Variants in TMEM108 observed in about 807,000 individuals in gnomAD.
TMEM108 encodes the protein cancer/testis antigen 124.
A neutral mutation model predicts 35.1 loss-of-function variants in TMEM108; 12 were observed. The observed-to-expected ratio is 0.34, with a 90% CI of 0.22 to 0.55. The LOEUF is 0.55. TMEM108 is among the 20% of genes least tolerant of loss of function. The pLI is 0.89. For missense variants in TMEM108, 680 were observed against 753.3 expected, an observed-to-expected ratio of 0.90 and a Z score of 1.14; for synonymous variants, 287 against 308.6, an observed-to-expected ratio of 0.93 and a Z score of 0.73.
At chr3:133,251,058 A>T (rs953243782) in intron 3 of TMEM108, among the ~76,000 whole-genome samples, 1 of 152,180 alleles carries the variant, frequency 6.6e-6, no homozygotes, top group African/African-American at 2.4e-5. Context: ...TTTGCTGGGT[A>T]GTCTGGGCTG....
At chr3:133,324,336 A>G (rs2071303666) in intron 3 of TMEM108, among the ~76,000 whole-genome samples, 1 of 152,214 alleles carries the variant, frequency 6.6e-6, no homozygotes, top group African/African-American at 2.4e-5. Flanking sequence ...GAAAAAAACA[A>G]TCCCATCAAA....
chr3:133,284,574 C>T (rs1559892189), intron 3 of TMEM108, among the ~76,000 whole-genome samples: 2 of 152,226 alleles, frequency 1.3e-5, no homozygotes, highest in Non-Finnish European at 2.9e-5. Flanking sequence ...TGAAAGGTCA[C>T]AGCCAGCACA....
intron 2 of TMEM108, among the ~76,000 whole-genome samples, chr3:133,183,684 A>G (rs1371796307): frequency 6.6e-6 from 1 of 152,196 alleles, no homozygotes; most frequent in Non-Finnish European, 1.5e-5. Context: ...CACAGGCACA[A>G]GATTCTACCC....
chr3:133,294,977 C>T lies in TMEM108; in HGVS notation c.40+65626C>T, dbSNP rs368437540. On this transcript the variant is annotated intron_variant, in intron 3 of 5. Coordinates refer to ENST00000321871, the MANE Select transcript of TMEM108 (RefSeq NM_023943.4). ...GGGAGTGTTACAGTGGAGAAAAGTA[C>T]TTGGGGTTTATCTATCAAGTAAACG... 9.2e-5 allele frequency among the ~76,000 whole-genome samples: 14 copies of T among 152,246 alleles called. No individual in the cohort carries two copies. The East Asian group carries it at 1.2e-3, about 13-fold the overall frequency.
chr3:133,235,387 A>T (rs758841763), intron 3 of TMEM108, among the ~76,000 whole-genome samples: 1 of 152,218 alleles, frequency 6.6e-6, no homozygotes. Flanking sequence ...ACAGCATGGT[A>T]CTAGTACCAA....
At chr3:133,082,828 T>G (rs559233693) in intron 2 of TMEM108, among the ~76,000 whole-genome samples, 3 of 152,124 alleles carry the variant, frequency 2.0e-5, no homozygotes, top group South Asian at 2.1e-4. Flanking sequence ...ATTTTTAAAA[T>G]TGTTTTATAG....
At chr3:133,317,264 C>T (rs1000572029) in intron 3 of TMEM108, among the ~76,000 whole-genome samples, 1 of 152,060 alleles carries the variant, frequency 6.6e-6, no homozygotes, top group Non-Finnish European at 1.5e-5. Flanking sequence ...ACTATGATGG[C>T]CTTTAAAAAA....
chr3:133,155,561 G>A (rs1338922509), intron 2 of TMEM108, among the ~76,000 whole-genome samples: 3 of 152,066 alleles, frequency 2.0e-5, no homozygotes, highest in Admixed American at 2.0e-4. Context: ...ACTGATATGA[G>A]ATGGTATCTC....
In TMEM108 at chr3:133,078,140, A is replaced by AGTGTGTGTGTGTGTGTGTGTGTGT. The variant is rs745912251; in HGVS notation, c.-47+32139_-47+32140insTGTGTGTGTGTGTGTGTGTGTGTG. ...AAAAATGGTGGAGTTTATGGAGCTC[A>AGTGTGTGTGTGTGTGTGTGTGTGT]GTGTGTGTGTGTGTGTGTGCACGCG... On this transcript the variant is annotated intron_variant, in intron 2 of 5. Coordinates refer to ENST00000321871, the MANE Select transcript of TMEM108 (RefSeq NM_023943.4). Among the ~76,000 whole-genome samples the AGTGTGTGTGTGTGTGTGTGTGTGT allele has an allele frequency of 6.2e-3, 657 of 106,190 alleles. 7 individuals carry two copies. The highest frequency in any genetic ancestry group is 0.016 in the African/African-American group (355 of 22,192). The allele number at this position is 106,190 out of a possible 152,430, so 69.7% of individuals were successfully genotyped here. A position where few individuals can be genotyped will look rare whatever the true frequency, so the allele number is the denominator to read the frequency against.
At chr3:133,271,976 A>G (rs141040753) in intron 3 of TMEM108, among the ~76,000 whole-genome samples, 17 of 152,296 alleles carry the variant, frequency 1.1e-4, no homozygotes, top group Admixed American at 4.6e-4. Context: ...AGCTATTGAC[A>G]AAATTAATGA....
intron 3 of TMEM108, among the ~76,000 whole-genome samples, chr3:133,320,127 A>C (rs2071248217): frequency 6.6e-6 from 1 of 152,132 alleles, no homozygotes; most frequent in Admixed American, 6.5e-5. Flanking sequence ...GTTCTATAAC[A>C]CTCCAAAAAG....
chr3:133,167,560 C>A (rs543330433), intron 2 of TMEM108, among the ~76,000 whole-genome samples: 1 of 152,220 alleles, frequency 6.6e-6, no homozygotes, highest in Non-Finnish European at 1.5e-5. Context: ...TGAAGCCCAG[C>A]GAGAATTCGA....
chr3:133,236,661 G>A (rs868407880), intron 3 of TMEM108, among the ~76,000 whole-genome samples: 9 of 152,212 alleles, frequency 5.9e-5, no homozygotes, highest in South Asian at 2.1e-4. Flanking sequence ...ACTCTCTTTG[G>A]TGCCTTTTCA....
chr3:133,246,385 T>G (rs1946385887), intron 3 of TMEM108: 2 of 151,834 alleles, frequency 1.3e-5, no homozygotes, highest in Non-Finnish European at 2.9e-5. Context: ...GTGCCTTGAG[T>G]CCAGCAGTTT....
intron 3 of TMEM108, among the ~76,000 whole-genome samples, chr3:133,281,294 G>A (rs1370398282): frequency 1.1e-4 from 17 of 152,202 alleles, no homozygotes; most frequent in Admixed American, 1.1e-3. Flanking sequence ...TGGTCATTCT[G>A]TTGGAGTTTC....
At chr3:133,283,852 G>A (rs1168301910) in intron 3 of TMEM108, among the ~76,000 whole-genome samples, 3 of 152,220 alleles carry the variant, frequency 2.0e-5, no homozygotes, top group East Asian at 1.9e-4. Flanking sequence ...CACGTATTTA[G>A]TGTCTCTCAG....
intron 2 of TMEM108, among the ~76,000 whole-genome samples, chr3:133,108,946 C>T: frequency 6.6e-6 from 1 of 151,952 alleles, no homozygotes; most frequent in East Asian, 1.9e-4. Context: ...TGTAACAAAC[C>T]TGCACATTGT....
chr3:133,238,231 C>A (rs1289789919), intron 3 of TMEM108, among the ~76,000 whole-genome samples: 1 of 152,114 alleles, frequency 6.6e-6, no homozygotes, highest in Non-Finnish European at 1.5e-5. Context: ...TATACATGTG[C>A]TTGTTTTCTT....
chr3:133,045,576 G>A (rs768602019), intron 1 of TMEM108, among the ~76,000 whole-genome samples: 2 of 152,190 alleles, frequency 1.3e-5, no homozygotes, highest in African/African-American at 2.4e-5. Flanking sequence ...AAAGCACAGA[G>A]AATGCTCATG....
Sources: allele counts gnomAD v4.1 joint callset (sites outside exome capture counted in the v4.1 genomes callset), GRCh38; gene constraint gnomAD v4.1.1; transcripts MANE v1.5; gene names NCBI Gene and HGNC (gene_info 2026-07-23, HGNC 2026-07-21).